KCNQ1: variants seen among roughly 807,000 people sequenced by gnomAD.
KCNQ1 encodes the protein potassium voltage-gated channel subfamily KQT member 1.
KCNQ1 carries 49 observed loss-of-function variants against 72.4 expected under a neutral mutation model. That is an observed-to-expected ratio of 0.68 (90% confidence interval 0.54 to 0.86). The LOEUF (loss-of-function observed/expected upper bound fraction) is 0.86. Among genes scored for constraint, KCNQ1 ranks in the 40% least tolerant of loss-of-function variants. The pLI is 0.00. For synonymous variants in KCNQ1, 450 were observed against 412.6 expected (o/e 1.09, Z -1.10); for missense variants, 790 against 945.1 (o/e 0.84, Z 2.15).
intron 15 of KCNQ1, among the ~76,000 whole-genome samples, chr11:2,843,174 T>A (rs1222276199): frequency 6.6e-6 from 1 of 152,196 alleles, no homozygotes; most frequent in African/African-American, 2.4e-5. Flanking sequence ...CACGGTCGAC[T>A]TTTGTCCAAG....
At chr11:2,756,064 C>T (rs142406916) in intron 11 of KCNQ1, among the ~76,000 whole-genome samples, 3 of 152,294 alleles carry the variant, frequency 2.0e-5, no homozygotes, top group Non-Finnish European at 4.4e-5. Flanking sequence ...CAGGGTCTCT[C>T]CTACATTGCT....
In KCNQ1 at chr11:2,671,444, C is replaced by T; in HGVS notation, c.1514+9363C>T. The T allele has an allele frequency of 2.5e-6, 1 of 398,594 alleles. No individual in the cohort carries two copies. Among genetic ancestry groups the T allele is most frequent in the Non-Finnish European group, 4.4e-6 (1 of 226,068 alleles). The allele number at this position is 398,594 out of a possible 1,614,324, so 24.7% of individuals were successfully genotyped here. On this transcript the variant is annotated intron_variant, in intron 11 of 15. Coordinates refer to ENST00000155840, the MANE Select transcript of KCNQ1 (RefSeq NM_000218.3). The surrounding 1 kb of genome is among the most constrained non-coding windows in gnomAD (Gnocchi z 4.7). ...CCAGAGATTCTCCCACTTTAGCAGGCAGAAGAGCAACCCAGCAGGGGATAT... is the reference window on the plus strand; with the variant it reads ...CCAGAGATTCTCCCACTTTAGCAGGTAGAAGAGCAACCCAGCAGGGGATAT...
At chr11:2,805,875 C>T (rs1296304580) in intron 15 of KCNQ1, among the ~76,000 whole-genome samples, 2 of 152,214 alleles carry the variant, frequency 1.3e-5, no homozygotes, top group Non-Finnish European at 2.9e-5. Flanking sequence ...ACCTCATAAT[C>T]CTCCTTCCAG....
intron 10 of KCNQ1, among the ~76,000 whole-genome samples, chr11:2,589,454 T>G (rs1157362876): frequency 6.6e-6 from 1 of 152,208 alleles, no homozygotes; most frequent in Non-Finnish European, 1.5e-5. Flanking sequence ...CAGACCTGTC[T>G]AGGGTTTAGA....
In KCNQ1 at chr11:2,766,416, G is replaced by A. The variant is rs555057136; in HGVS notation, c.1515-2428G>A. On this transcript the variant is annotated intron_variant, in intron 11 of 15. Transcript: ENST00000155840. The surrounding 1 kb of genome is among the most constrained non-coding windows in gnomAD (Gnocchi z 4.4). ...AGGGTCTCTCAGCTCTCCTTCACGC[G>A]GCTGTTCCAGCAGGCTAGCTCAGAC... Among the ~76,000 whole-genome samples, 8 of 152,260 alleles carry A rather than the reference G, an allele frequency of 5.3e-5. No homozygotes were observed. The highest frequency in any genetic ancestry group is 2.0e-4 in the Admixed American group (3 of 15,290).
chr11:2,714,247 C>T (rs760872679), intron 11 of KCNQ1, among the ~76,000 whole-genome samples: 1 of 152,226 alleles, frequency 6.6e-6, no homozygotes, highest in Non-Finnish European at 1.5e-5. Context: ...GGGGGTTGGG[C>T]CTCACCTCCC....
intron 15 of KCNQ1, among the ~76,000 whole-genome samples, chr11:2,789,738 G>A (rs1265346913): frequency 2.6e-5 from 4 of 152,206 alleles, no homozygotes; most frequent in East Asian, 1.9e-4. Flanking sequence ...ATGAGTTCTC[G>A]CTTTGTCCAA....
At chr11:2,810,134 T>C (rs886427918) in intron 15 of KCNQ1, among the ~76,000 whole-genome samples, 31 of 152,358 alleles carry the variant, frequency 2.0e-4, no homozygotes, top group African/African-American at 7.5e-4. Flanking sequence ...AGACTTACTA[T>C]TCAGAAGTCT....
Position 2,462,363 on chromosome 11 carries a change from C to G in KCNQ1, c.386+16879C>G, listed in dbSNP as rs557333201. ...TTGCCTCCTCCTCCTTCTGACTTGC[C>G]TCCTCTCTCTGACGGGCCTGCTCCT... is the stretch of plus-strand genomic sequence containing the variant. On this transcript the variant is annotated intron_variant, in intron 1 of 15. Transcript: ENST00000155840. This position sits in a 1 kb window ranked among gnomAD's most constrained non-coding sequence, Gnocchi z 8.2. Among the ~76,000 whole-genome samples the G allele has an allele frequency of 6.6e-6, 1 of 152,214 alleles. No individual in the cohort carries two copies. The highest frequency in any genetic ancestry group is 1.5e-5 in the Non-Finnish European group (1 of 68,038).
At chr11:2,714,957 G>T (rs989465962) in intron 11 of KCNQ1, among the ~76,000 whole-genome samples, 4 of 152,026 alleles carry the variant, frequency 2.6e-5, no homozygotes, top group South Asian at 2.1e-4. Flanking sequence ...AAAGCCAGGG[G>T]GGAGCCTGCA....
At chr11:2,776,086 G>A in intron 13 of KCNQ1, 32 bp downstream of exon 13, 3 of 1,528,310 alleles carry the variant, frequency 2.0e-6, no homozygotes, top group Non-Finnish European at 1.8e-6. Context: ...CGGGGAGGGT[G>A]CCCAGGTCCT....
At chr11:2,580,113 C>G (rs1184931326) in intron 6 of KCNQ1, among the ~76,000 whole-genome samples, 14 of 152,194 alleles carry the variant, frequency 9.2e-5, no homozygotes, top group Non-Finnish European at 1.5e-5. Flanking sequence ...TGCCATTTGT[C>G]TTGATGCCTG....
In KCNQ1 at chr11:2,777,020, A is replaced by G. The variant is rs761947465; in HGVS notation, c.1720A>G (p.Ile574Val). Residue 574 changes from isoleucine to valine, a missense_variant, in exon 14 of 16, where the codon ATC becomes GTC. By Grantham distance (29) the Ile-to-Val change is conservative. Transcript: ENST00000155840. ...DQSIGKPSLF[I>V]SVSEKSKDRG... is the part of the protein sequence containing the mutation. ...GTCCATTGGGAAGCCCTCACTGTTC[A>G]TCTCCGTCTCAGGTGGGTTTCTGTG... 2.2e-5 allele frequency: 36 copies of G among 1,613,900 alleles called. No homozygotes were observed. The highest frequency in any genetic ancestry group is 3.1e-5 in the Non-Finnish European group (36 of 1,179,952).
At chr11:2,546,417 G>A (rs1847903225) in intron 2 of KCNQ1, among the ~76,000 whole-genome samples, 1 of 151,676 alleles carries the variant, frequency 6.6e-6, no homozygotes, top group South Asian at 2.1e-4. Flanking sequence ...TGCTGTTGTT[G>A]GGAGGACTGT....
chr11:2,641,239 A>C lies in KCNQ1; in HGVS notation c.1394-20722A>C, dbSNP rs1278782529. The C allele has an allele frequency of 1.3e-5, 5 of 398,350 alleles. No homozygotes were observed. In the East Asian group the frequency reaches 1.4e-4, roughly 11 times the overall value. 24.7% of individuals were successfully genotyped at this position (398,350 alleles called of 1,614,324 possible). A position where few individuals can be genotyped will look rare whatever the true frequency, so the allele number is the denominator to read the frequency against. ...TCTCTTTTTAGGTTTTTCAGAAATCAAACTGTTTTCTATAGTATTAATTTA... is the reference window on the plus strand; with the variant it reads ...TCTCTTTTTAGGTTTTTCAGAAATCCAACTGTTTTCTATAGTATTAATTTA... On this transcript the variant is annotated intron_variant, in intron 10 of 15. Transcript: ENST00000155840.
chr11:2,660,590 G>A, intron 10 of KCNQ1: 1 of 398,610 alleles, frequency 2.5e-6, no homozygotes, highest in African/African-American at 2.1e-5. Context: ...AATTCTGCAA[G>A]AGGAAACCCA....
In KCNQ1 at chr11:2,827,342, C is replaced by T. The variant is rs1416623355; in HGVS notation, c.1795-20425C>T. ...CCTGGCCCCAGACCTCCTCTCTCTGCTTGCTTTCCTGTCCACAATCCAGTG... is the reference window on the plus strand; with the variant it reads ...CCTGGCCCCAGACCTCCTCTCTCTGTTTGCTTTCCTGTCCACAATCCAGTG... On this transcript the variant is annotated intron_variant, in intron 15 of 15. Coordinates refer to ENST00000155840, the MANE Select transcript of KCNQ1 (RefSeq NM_000218.3). The surrounding 1 kb of genome is among the most constrained non-coding windows in gnomAD (Gnocchi z 6.7). Among the ~76,000 whole-genome samples the T allele has an allele frequency of 2.0e-5, 3 of 152,138 alleles. No homozygotes were observed. The highest frequency in any genetic ancestry group is 7.2e-5 in the African/African-American group (3 of 41,428).
At chr11:2,517,766 G>C (rs1308762513) in intron 1 of KCNQ1, among the ~76,000 whole-genome samples, 1 of 152,204 alleles carries the variant, frequency 6.6e-6, no homozygotes, top group Non-Finnish European at 1.5e-5. Flanking sequence ...ACACCTGCCT[G>C]CTGGGGGGGC....
chr11:2,774,007 AG>A (rs1481867445), intron 12 of KCNQ1, among the ~76,000 whole-genome samples: 2 of 152,170 alleles, frequency 1.3e-5, no homozygotes, highest in African/African-American at 2.4e-5. Context: ...AGACAGAGAC[AG>A]GGTTCAGCAT....
Sources: allele counts gnomAD v4.1 joint callset (sites outside exome capture counted in the v4.1 genomes callset), GRCh38; gene constraint gnomAD v4.1.1; non-coding constraint Gnocchi (gnomAD v3.1); transcripts MANE v1.5; gene names NCBI Gene and HGNC (gene_info 2026-07-23, HGNC 2026-07-21).